Variants in SHISA9 observed in about 807,000 individuals in gnomAD.
SHISA9 encodes the protein shisa family member 9, also known as protein shisa-9.
SHISA9 carries 13 observed loss-of-function variants against 38.0 expected under a neutral mutation model. The observed-to-expected ratio is 0.34, with a 90% CI of 0.22 to 0.54. The LOEUF (loss-of-function observed/expected upper bound fraction) is 0.54. SHISA9 is among the 20% of genes least tolerant of loss of function. SHISA9 has a pLI of 0.91. For synonymous variants in SHISA9, 275 were observed against 242.0 expected (o/e 1.14, Z -1.27); for missense variants, 538 against 575.8 (o/e 0.93, Z 0.67).
chr16:13,036,193 T>G (rs1261066252), intron 2 of SHISA9, among the ~76,000 whole-genome samples: 2 of 152,350 alleles, frequency 1.3e-5, no homozygotes, highest in Non-Finnish European at 2.9e-5. Context: ...TATACTAATG[T>G]TCAGAGTAGC....
chr16:13,065,650 G>A (rs1271873198), intron 2 of SHISA9, among the ~76,000 whole-genome samples: 1 of 152,198 alleles, frequency 6.6e-6, no homozygotes, highest in African/African-American at 2.4e-5. Context: ...AGGGTTCGAA[G>A]GCTTGCCACG....
intron 2 of SHISA9, among the ~76,000 whole-genome samples, chr16:13,070,845 G>A (rs1227684827): frequency 6.6e-6 from 1 of 152,138 alleles, no homozygotes; most frequent in Non-Finnish European, 1.5e-5. Flanking sequence ...ACCCAGGAGT[G>A]TTGTATCATT....
chr16:13,317,998 G>GTTTTTT, the SHISA9 span, among the ~76,000 whole-genome samples: 1 of 146,648 alleles, frequency 6.8e-6, no homozygotes, highest in Non-Finnish European at 1.5e-5. Context: ...CAAATGCCTT[G>GTTTTTT]TTTTTTTTTT....
chr16:13,484,922 G>A, the SHISA9 span, among the ~76,000 whole-genome samples: 3 of 152,168 alleles, frequency 2.0e-5, no homozygotes, highest in Admixed American at 1.3e-4. Context: ...CCTATAATTC[G>A]ACATGAGATT....
rs556916740 is a variant in SHISA9, at chr16:13,006,466, A to G, written c.691+89651A>G. On this transcript the variant is annotated intron_variant, in intron 2 of 4. Coordinates refer to ENST00000558583, the MANE Select transcript of SHISA9 (RefSeq NM_001145204.3). The stretch of plus-strand genomic sequence containing the variant: ...TGTGACTGAGGACAAAGAGGATGCC[A>G]GTGAAGCAAGACACAGAGACTCTGT... Among the ~76,000 whole-genome samples, 402 of 152,298 alleles carry G rather than the reference A, an allele frequency of 2.6e-3. 2 individuals are homozygous for G. Among genetic ancestry groups the G allele is most frequent in the African/African-American group, 9.0e-3 (374 of 41,566 alleles).
the SHISA9 span, among the ~76,000 whole-genome samples, chr16:13,426,054 C>G: frequency 6.6e-6 from 1 of 152,194 alleles, no homozygotes; most frequent in East Asian, 1.9e-4. Context: ...TGAGCCCACT[C>G]TGAAGGTCCC....
chr16:13,312,111 TCTA>T, the SHISA9 span, among the ~76,000 whole-genome samples: 1 of 152,196 alleles, frequency 6.6e-6, no homozygotes, highest in Non-Finnish European at 1.5e-5. Context: ...AGCCCAGAAG[TCTA>T]CTAATATTTC....
At chr16:13,203,960 C>G (rs555727971) in intron 3 of SHISA9, among the ~76,000 whole-genome samples, 1 of 152,112 alleles carries the variant, frequency 6.6e-6, no homozygotes, top group East Asian at 1.9e-4. Context: ...ATCTGTCTGT[C>G]TATCATCTAT....
the SHISA9 span, among the ~76,000 whole-genome samples, chr16:13,390,994 T>C: frequency 5.3e-5 from 8 of 151,836 alleles, no homozygotes; most frequent in African/African-American, 1.7e-4. Context: ...AGCAAGAATA[T>C]TGAGGAGAAA....
chr16:13,102,943 G>A (rs921790348), intron 2 of SHISA9, among the ~76,000 whole-genome samples: 5 of 152,156 alleles, frequency 3.3e-5, no homozygotes, highest in African/African-American at 1.2e-4. Flanking sequence ...GAGGGAGGCG[G>A]CACTTCCTCA....
At chr16:13,313,262 A>AAAAAAAAAAAC in the SHISA9 span, among the ~76,000 whole-genome samples, 1 of 140,696 alleles carries the variant, frequency 7.1e-6, no homozygotes, top group Non-Finnish European at 1.5e-5. Flanking sequence ...CTCAAAAAAA[A>AAAAAAAAAAAC]AAAAAAAAAA....
At chr16:12,974,479 G>T (rs376792337) in intron 2 of SHISA9, among the ~76,000 whole-genome samples, 29 of 91,772 alleles carry the variant, frequency 3.2e-4, no homozygotes, top group South Asian at 8.5e-4. Context: ...ATTTCTGGTG[G>T]TTTTTTTTTT....
chr16:13,212,025 G>T (rs1487859149), intron 3 of SHISA9, among the ~76,000 whole-genome samples: 1 of 152,116 alleles, frequency 6.6e-6, no homozygotes, highest in Non-Finnish European at 1.5e-5. Context: ...AGTGATGAGG[G>T]GTGTACAGTT....
At chr16:13,060,871 A>C (rs542720202) in intron 2 of SHISA9, among the ~76,000 whole-genome samples, 1 of 152,294 alleles carries the variant, frequency 6.6e-6, no homozygotes, top group East Asian at 1.9e-4. Flanking sequence ...AGAATGGGTT[A>C]GGGCTATGCA....
chr16:12,933,865 A>G (rs2071493323), intron 2 of SHISA9, among the ~76,000 whole-genome samples: 1 of 152,182 alleles, frequency 6.6e-6, no homozygotes, highest in African/African-American at 2.4e-5. Flanking sequence ...GTGGGGGAAG[A>G]CTGTTCACAC....
intron 2 of SHISA9, among the ~76,000 whole-genome samples, chr16:13,176,408 C>T (rs1396655794): frequency 6.6e-6 from 1 of 152,220 alleles, no homozygotes; most frequent in East Asian, 1.9e-4. Flanking sequence ...TACTTCTCTA[C>T]CTCCTCGTCC....
chr16:13,114,465 C>CAAAAAAAAA (rs58742818), intron 2 of SHISA9, among the ~76,000 whole-genome samples: 2 of 51,024 alleles, frequency 3.9e-5, no homozygotes. Context: ...GATTCCATCT[C>CAAAAAAAAA]AAAAAAAAAA....
At chr16:13,127,927 C>A (rs1217978533) in intron 2 of SHISA9, among the ~76,000 whole-genome samples, 1 of 152,194 alleles carries the variant, frequency 6.6e-6, no homozygotes, top group African/African-American at 2.4e-5. Flanking sequence ...GACCTCTTAG[C>A]CCTTCCAGTT....
intron 2 of SHISA9, among the ~76,000 whole-genome samples, chr16:12,968,625 T>C (rs149379440): frequency 9.5e-4 from 144 of 152,288 alleles, no homozygotes; most frequent in African/African-American, 3.4e-3. Context: ...CTTGCAAATA[T>C]GCTGTTGAGT....
Sources: allele counts gnomAD v4.1 joint callset (sites outside exome capture counted in the v4.1 genomes callset), GRCh38; gene constraint gnomAD v4.1.1; transcripts MANE v1.5; gene names NCBI Gene and HGNC (gene_info 2026-07-23, HGNC 2026-07-21).